The following SOX5 variants were observed in gnomAD, a reference collection of about 807,000 sequenced individuals.
SOX5 encodes SRY-box transcription factor 5.
In SOX5, 9 loss-of-function variants were observed where a neutral mutation model predicts 92.0. The ratio of observed to expected loss-of-function variants is 0.10; its 90% CI spans 0.06 to 0.17. The LOEUF (loss-of-function observed/expected upper bound fraction) is 0.17. Ranked by LOEUF, SOX5 falls within the 10% of genes least tolerant of loss-of-function variation. The pLI is 1.00. For missense variants in SOX5, 642 were observed against 944.5 expected (o/e 0.68, Z 4.20); for synonymous variants, 344 against 336.3 (o/e 1.02, Z -0.25).
intron 4 of SOX5, among the ~76,000 whole-genome samples, chr12:23,966,876 C>A (rs745502560): frequency 6.6e-6 from 1 of 152,100 alleles, no homozygotes; most frequent in Non-Finnish European, 1.5e-5. Flanking sequence ...GTAACACCAG[C>A]ATATAAAACA....
intron 4 of SOX5, among the ~76,000 whole-genome samples, chr12:24,082,404 GAAAA>G (rs58736325): frequency 0.024 from 1,724 of 73,344 alleles, no homozygotes; most frequent in Middle Eastern, 0.031. Context: ...CTTTCGAAAA[GAAAA>G]AAAAAAAAAA....
intron 1 of SOX5, among the ~76,000 whole-genome samples, chr12:23,904,419 G>A (rs1157041096): frequency 6.6e-6 from 1 of 151,906 alleles, no homozygotes; most frequent in Admixed American, 6.6e-5. Context: ...TAGAAACACA[G>A]ATTTCAAAGA....
intron 7 of SOX5, among the ~76,000 whole-genome samples, chr12:23,650,045 T>C (rs761664290): frequency 3.3e-5 from 5 of 152,044 alleles, no homozygotes; most frequent in Non-Finnish European, 1.5e-5. Context: ...CCTTGACAAA[T>C]ACCAGCTTGC....
intron 4 of SOX5, among the ~76,000 whole-genome samples, chr12:24,011,493 A>G (rs1043072334): frequency 2.7e-4 from 41 of 151,996 alleles, no homozygotes; most frequent in African/African-American, 9.4e-4. Context: ...CTTTCTTTTT[A>G]CTTTCCCAAA....
Position 24,043,528 on chromosome 12 carries a change from G to A in SOX5, c.-1-147504C>T, listed in dbSNP as rs1029486484. Among the ~76,000 whole-genome samples, 3 of 152,224 alleles carry A rather than the reference G, an allele frequency of 2.0e-5. No homozygotes were observed. The South Asian group carries it at 6.2e-4, about 32-fold the overall frequency. On this transcript the variant is annotated intron_variant, in intron 4 of 4. Transcript: ENST00000446891. ...ACTGGGACAATCATCTGTTCTACCC[G>A]CATGTGTCCAACTGGTCCAACAGAA...
chr12:24,051,521 A>G (rs973046865), intron 4 of SOX5, among the ~76,000 whole-genome samples: 2 of 152,224 alleles, frequency 1.3e-5, no homozygotes, highest in African/African-American at 4.8e-5. Flanking sequence ...ATTCATTCCA[A>G]GAACGAAGAG....
intron 10 of SOX5, among the ~76,000 whole-genome samples, chr12:23,571,667 G>A (rs777944443): frequency 5.3e-5 from 8 of 152,122 alleles, no homozygotes; most frequent in Non-Finnish European, 1.0e-4. Flanking sequence ...TTGGCTCTAA[G>A]TCTGGATAAG....
rs1044264974 is a variant in SOX5 at position 23,925,233 on chromosome 12, C to A, written c.38+24331G>T. On this transcript the variant is annotated intron_variant, in intron 1 of 14. Coordinates refer to ENST00000451604, the MANE Select transcript of SOX5 (RefSeq NM_006940.6). ...ATTCAATGGAATTTCTCTCACAAAT[C>A]AAAAATGCATAGTATGTCTTGATAA... Among the ~76,000 whole-genome samples, 8 of 152,142 alleles carry A rather than the reference C, an allele frequency of 5.3e-5. No homozygotes were observed. In the South Asian group the frequency reaches 1.7e-3, roughly 32 times the overall value.
chr12:23,577,453 C>T (rs1360055256), intron 9 of SOX5, among the ~76,000 whole-genome samples: 1 of 151,850 alleles, frequency 6.6e-6, no homozygotes, highest in African/African-American at 2.4e-5. Context: ...CCTGCGTTGG[C>T]CTCCCAAAGT....
intron 4 of SOX5, among the ~76,000 whole-genome samples, chr12:23,983,539 G>A (rs1005576572): frequency 6.6e-6 from 1 of 152,174 alleles, no homozygotes; most frequent in Non-Finnish European, 1.5e-5. Context: ...GGTTGGGCTA[G>A]ATGAGCTGGA....
intron 3 of SOX5, among the ~76,000 whole-genome samples, chr12:24,270,342 A>T (rs2140319269): frequency 6.6e-6 from 1 of 152,284 alleles, no homozygotes; most frequent in Non-Finnish European, 1.5e-5. Flanking sequence ...TACAAGTGTA[A>T]GCACCACGCC....
At chr12:24,520,694 A>G (rs79043955) in intron 1 of SOX5, among the ~76,000 whole-genome samples, 1 of 152,294 alleles carries the variant, frequency 6.6e-6, no homozygotes, top group East Asian at 1.9e-4. Context: ...GAAAAGGCAC[A>G]GAGTGTCTGA....
chr12:23,629,529 CAGA>C (rs940630297), intron 8 of SOX5, among the ~76,000 whole-genome samples: 1 of 151,912 alleles, frequency 6.6e-6, no homozygotes, highest in Non-Finnish European at 1.5e-5. Flanking sequence ...TGCTTAGCAG[CAGA>C]AATCTTTAAC....
chr12:24,301,358 G>A (rs996715515), intron 2 of SOX5, among the ~76,000 whole-genome samples: 5 of 152,064 alleles, frequency 3.3e-5, no homozygotes, highest in Non-Finnish European at 7.3e-5. Context: ...AATCTCAGTG[G>A]ATACATCTAA....
chr12:24,333,138 G>T (rs1269518883), intron 2 of SOX5, among the ~76,000 whole-genome samples: 1 of 151,974 alleles, frequency 6.6e-6, no homozygotes, highest in Non-Finnish European at 1.5e-5. Context: ...CCCCAGTAAA[G>T]TTTCTAAGAA....
intron 4 of SOX5, among the ~76,000 whole-genome samples, chr12:24,008,959 T>C (rs1952619513): frequency 3.3e-5 from 5 of 152,184 alleles, no homozygotes; most frequent in Admixed American, 3.3e-4. Flanking sequence ...TACCAATGTC[T>C]TCTGAAATGT....
intron 1 of SOX5, among the ~76,000 whole-genome samples, chr12:24,440,011 G>C (rs1380082506): frequency 6.6e-6 from 1 of 152,232 alleles, no homozygotes; most frequent in Non-Finnish European, 1.5e-5. Context: ...TATTAAATAA[G>C]CAAACATCTT....
chr12:24,521,595 G>C (rs1950268354), intron 1 of SOX5, among the ~76,000 whole-genome samples: 1 of 152,062 alleles, frequency 6.6e-6, no homozygotes, highest in Non-Finnish European at 1.5e-5. Context: ...GAAAATCAAA[G>C]TCATTCAAAA....
intron 4 of SOX5, among the ~76,000 whole-genome samples, chr12:24,142,003 A>G (rs975490932): frequency 2.0e-5 from 3 of 152,204 alleles, no homozygotes; most frequent in Non-Finnish European, 2.9e-5. Context: ...TAAAATATCC[A>G]GGATCAAATT....
Sources: allele counts gnomAD v4.1 joint callset (sites outside exome capture counted in the v4.1 genomes callset), GRCh38; gene constraint gnomAD v4.1.1; transcripts MANE v1.5; gene names NCBI Gene and HGNC (gene_info 2026-07-23, HGNC 2026-07-21).